The following AMPH variants were observed in gnomAD, a reference collection of about 807,000 sequenced individuals.
The protein encoded by AMPH is amphiphysin (Stiff-Mann syndrome with breast cancer 128kD autoantigen).
In AMPH, 49 loss-of-function variants were observed where a neutral mutation model predicts 99.1. That is an observed-to-expected ratio of 0.49 (90% CI 0.39 to 0.63). The LOEUF (loss-of-function observed/expected upper bound fraction) is 0.63, where lower values mean the gene tolerates loss of function less well. Among genes scored for constraint, AMPH ranks in the 20% least tolerant of loss-of-function variants. The pLI is 0.00. For synonymous variants in AMPH, 314 were observed against 317.3 expected (o/e 0.99, Z 0.11); for missense variants, 759 against 863.4 (o/e 0.88, Z 1.52).
At chr7:38,614,017 A>G (rs531099246) in intron 1 of AMPH, among the ~76,000 whole-genome samples, 16 of 152,216 alleles carry the variant, frequency 1.1e-4, no homozygotes, top group South Asian at 2.1e-4. Flanking sequence ...CCACCATGAC[A>G]TCCACATCCA....
intron 7 of AMPH, among the ~76,000 whole-genome samples, chr7:38,468,212 T>C (rs1787739822): frequency 6.6e-6 from 1 of 152,232 alleles, no homozygotes; most frequent in South Asian, 2.1e-4. Flanking sequence ...TAGCCAAAAG[T>C]TAGCATCTCA....
chr7:38,408,822 T>C (rs1161881092), intron 17 of AMPH, among the ~76,000 whole-genome samples: 1 of 152,190 alleles, frequency 6.6e-6, no homozygotes, highest in African/African-American at 2.4e-5. Flanking sequence ...TATTTTGTCC[T>C]GTATTTGTTC....
intron 1 of AMPH, among the ~76,000 whole-genome samples, chr7:38,575,279 C>T (rs2129053533): frequency 6.6e-6 from 1 of 152,100 alleles, no homozygotes; most frequent in South Asian, 2.1e-4. Context: ...ATAATACAGT[C>T]ATTAATACTG....
chr7:38,416,504 C>T (rs1397247725), intron 17 of AMPH, among the ~76,000 whole-genome samples: 1 of 152,140 alleles, frequency 6.6e-6, no homozygotes, highest in African/African-American at 2.4e-5. Context: ...TTGATGAGAG[C>T]TTTTTCAGAA....
At chr7:38,486,246 G>A (rs1392072922) in intron 5 of AMPH, among the ~76,000 whole-genome samples, 1 of 149,200 alleles carries the variant, frequency 6.7e-6, no homozygotes, top group Non-Finnish European at 1.5e-5. Flanking sequence ...AATCAGAAAT[G>A]AAAGGTGATA....
At chr7:38,387,918 T>C (rs1473051513) in intron 20 of AMPH, among the ~76,000 whole-genome samples, 1 of 152,026 alleles carries the variant, frequency 6.6e-6, no homozygotes, top group African/African-American at 2.4e-5. Context: ...GACAGCTGAT[T>C]TCTAATTATA....
chr7:38,618,298 G>A (rs1325598803), intron 1 of AMPH, among the ~76,000 whole-genome samples: 2 of 151,284 alleles, frequency 1.3e-5, no homozygotes, highest in Non-Finnish European at 2.9e-5. Flanking sequence ...AGATCATGAG[G>A]TCAGGAGATC....
chr7:38,429,886 G>A (rs1289272723), intron 13 of AMPH, 21 bp from the exon 14 acceptor site: 2 of 1,600,434 alleles, frequency 1.2e-6, no homozygotes, highest in African/African-American at 1.3e-5. Context: ...AAAGAAAATA[G>A]TAACAATAAG....
At chr7:38,431,581 G>A (rs368729208) in intron 13 of AMPH, among the ~76,000 whole-genome samples, 9 of 151,794 alleles carry the variant, frequency 5.9e-5, no homozygotes, top group South Asian at 2.1e-4. Flanking sequence ...GTGTGAACCC[G>A]GGAGGCGGAG....
chr7:38,566,942 GC>G (rs1195690586), intron 1 of AMPH, among the ~76,000 whole-genome samples: 4 of 152,190 alleles, frequency 2.6e-5, no homozygotes, highest in Non-Finnish European at 4.4e-5. Flanking sequence ...CTGTTGGTGG[GC>G]GTGTAAATTA....
chr7:38,464,375 C>A lies in AMPH; in HGVS notation c.749+1092G>T, dbSNP rs1477107884. ...AGTAACTCTGCCTCTCTTATGTATTCTTTCAGGCAATATTCTTTCCCTTAG... is the reference window on the plus strand; with the variant it reads ...AGTAACTCTGCCTCTCTTATGTATTATTTCAGGCAATATTCTTTCCCTTAG... On this transcript the variant is annotated intron_variant, in intron 9 of 20. Transcript: ENST00000356264. Among the ~76,000 whole-genome samples the A allele has an allele frequency of 2.7e-4, 41 of 152,176 alleles. 1 individual carries two copies. The highest frequency in any genetic ancestry group is 2.6e-3 in the Admixed American group (40 of 15,284).
At chr7:38,412,351 T>A (rs1183503208) in intron 17 of AMPH, among the ~76,000 whole-genome samples, 1 of 152,220 alleles carries the variant, frequency 6.6e-6, no homozygotes, top group African/African-American at 2.4e-5. Flanking sequence ...CTTGAGTTCA[T>A]GTTCACATAG....
chr7:38,605,645 G>A lies in AMPH; in HGVS notation c.69+25638C>T, dbSNP rs574022598. 3.9e-5 allele frequency among the ~76,000 whole-genome samples: 6 copies of A among 151,992 alleles called. No individual in the cohort carries two copies. In the East Asian group the frequency reaches 5.8e-4, roughly 15 times the overall value. ...AGCAGGAGTGCAATGGCACGATCTCGGCTCACTGCAGTCTCCGCCTCCTCA... is the reference window on the plus strand; with the variant it reads ...AGCAGGAGTGCAATGGCACGATCTCAGCTCACTGCAGTCTCCGCCTCCTCA... On this transcript the variant is annotated intron_variant, in intron 1 of 20. Transcript: ENST00000356264.
intron 4 of AMPH, among the ~76,000 whole-genome samples, chr7:38,492,407 C>T (rs992665641): frequency 3.3e-5 from 5 of 152,124 alleles, no homozygotes; most frequent in Admixed American, 6.5e-5. Flanking sequence ...ACTTGTGGGG[C>T]CAATATGCAA....
At chr7:38,580,099 A>C (rs1382252513) in intron 1 of AMPH, among the ~76,000 whole-genome samples, 1 of 152,198 alleles carries the variant, frequency 6.6e-6, no homozygotes, top group Non-Finnish European at 1.5e-5. Flanking sequence ...CATAAATAAA[A>C]TACCCTCCTA....
At chr7:38,562,037 C>T (rs1349505122) in intron 1 of AMPH, among the ~76,000 whole-genome samples, 1 of 149,606 alleles carries the variant, frequency 6.7e-6, no homozygotes, top group South Asian at 2.1e-4. Flanking sequence ...GGTGGGACTT[C>T]AGATGAGGGC....
chr7:38,439,031 A>T (rs1460348593), intron 11 of AMPH, among the ~76,000 whole-genome samples: 1 of 152,150 alleles, frequency 6.6e-6, no homozygotes, highest in Non-Finnish European at 1.5e-5. Context: ...AGTTTCCCCA[A>T]TGCTGTTCTC....
intron 5 of AMPH, among the ~76,000 whole-genome samples, chr7:38,488,245 T>A (rs1355780472): frequency 1.3e-5 from 2 of 152,156 alleles, no homozygotes; most frequent in Non-Finnish European, 2.9e-5. Flanking sequence ...TGCAGTGCTA[T>A]TCACAACAGC....
At chr7:38,480,499 C>A (rs1035997712) in intron 5 of AMPH, among the ~76,000 whole-genome samples, 2 of 152,258 alleles carry the variant, frequency 1.3e-5, no homozygotes, top group Admixed American at 1.3e-4. Flanking sequence ...TCAACTACAA[C>A]CTGTCACTCT....
Sources: gnomAD v4.1 joint callset for allele counts (sites outside exome capture counted in the v4.1 genomes callset) on GRCh38, gnomAD v4.1.1 for gene constraint, MANE v1.5 for transcripts, NCBI Gene and HGNC (gene_info 2026-07-23, HGNC 2026-07-21) for gene names.